The following C1orf202 variants were observed in gnomAD, a reference collection of about 807,000 sequenced individuals.
C1orf202 encodes the protein chromosome 1 open reading frame 202, also known as uncharacterized protein C1orf202.
the C1orf202 span, chr1:244,730,571 G>A: frequency 2.7e-6 from 1 of 375,972 alleles, no homozygotes; most frequent in Non-Finnish European, 4.7e-6. Context: ...CACCAGCAGC[G>A]GGATCTCCTC....
the C1orf202 span, chr1:244,730,842 C>T: frequency 2.6e-6 from 1 of 380,526 alleles, no homozygotes. Flanking sequence ...GGAGGGGGGC[C>T]CCGCTCCAGG....
At chr1:244,730,706 G>A in the C1orf202 span, 1 of 384,346 alleles carries the variant, frequency 2.6e-6, no homozygotes, top group Admixed American at 4.5e-5. Flanking sequence ...GCCTGCGCGC[G>A]CGTGAGCTTG....
chr1:244,730,845 G>A, the C1orf202 span: 2 of 380,556 alleles, frequency 5.3e-6, no homozygotes, highest in Non-Finnish European at 9.3e-6. Flanking sequence ...GGGGGGCCCC[G>A]CTCCAGGCGC....
At chr1:244,730,235 G>T in the C1orf202 span, 1 of 225,730 alleles carries the variant, frequency 4.4e-6, no homozygotes, top group Admixed American at 5.7e-5. Context: ...CTGCTCCGAG[G>T]CCCTCGGACC....
the C1orf202 span, chr1:244,730,341 G>A: frequency 3.1e-5 from 9 of 289,782 alleles, no homozygotes; most frequent in East Asian, 1.2e-4. Flanking sequence ...CATTGCATGT[G>A]CTTTCATTCC....
chr1:244,730,937 C>T, the C1orf202 span: 2 of 383,388 alleles, frequency 5.2e-6, no homozygotes, highest in Non-Finnish European at 9.3e-6. Context: ...CCGCGCAGGC[C>T]TCTTCTCGGA....
At chr1:244,730,600 C>A in the C1orf202 span, 1 of 383,214 alleles carries the variant, frequency 2.6e-6, no homozygotes, top group Non-Finnish European at 4.6e-6. Flanking sequence ...CCGGCCGCTC[C>A]TTGCGCCGCA....
the C1orf202 span, chr1:244,730,955 GC>G: frequency 2.6e-6 from 1 of 379,506 alleles, no homozygotes; most frequent in East Asian, 3.7e-5. Context: ...GGAGCGCGGG[GC>G]CCACATCTCG....
chr1:244,729,709 G>GC, the C1orf202 span, among the ~76,000 whole-genome samples: 1 of 152,076 alleles, frequency 6.6e-6, no homozygotes, highest in Admixed American at 6.6e-5. Flanking sequence ...AGTATCATTA[G>GC]CAGGTTTTTA....
chr1:244,730,812 C>T, the C1orf202 span: 1 of 378,106 alleles, frequency 2.6e-6, no homozygotes, highest in South Asian at 1.3e-4. Context: ...CGCCGCCCGA[C>T]CGCCTCCGGA....
the C1orf202 span, chr1:244,730,755 G>T: frequency 7.3e-5 from 28 of 381,630 alleles, no homozygotes; most frequent in Admixed American, 1.1e-3. Flanking sequence ...AACAGCCGCC[G>T]CCAGCACCAG....
chr1:244,730,418 T>C, the C1orf202 span: 5 of 357,386 alleles, frequency 1.4e-5, no homozygotes, highest in Non-Finnish European at 2.5e-5. Flanking sequence ...ATCCTGAGCG[T>C]GCACAGGGGG....
chr1:244,730,485 C>T, the C1orf202 span: 29 of 344,602 alleles, frequency 8.4e-5, no homozygotes, highest in African/African-American at 1.1e-4. Context: ...CGCGCGGGGG[C>T]GGCCTGCGCG....
chr1:244,730,476 G>A, the C1orf202 span: 195 of 344,832 alleles, frequency 5.7e-4, no homozygotes, highest in Middle Eastern at 4.7e-3. Context: ...CGGGGCTGGC[G>A]CGCGGGGGCG....
the C1orf202 span, chr1:244,730,294 T>C: frequency 4.2e-6 from 1 of 236,930 alleles, no homozygotes. Flanking sequence ...GCTGCGAACC[T>C]CAAGATAACC....
the C1orf202 span, chr1:244,730,012 G>A: frequency 6.6e-6 from 1 of 150,856 alleles, no homozygotes; most frequent in African/African-American, 2.4e-5. Flanking sequence ...TTGACCCCAG[G>A]AGTTTGAGTC....
At chr1:244,730,197 G>C in the C1orf202 span, 1 of 220,602 alleles carries the variant, frequency 4.5e-6, no homozygotes, top group African/African-American at 2.3e-5. Flanking sequence ...GGAACCCAGG[G>C]CTCCGCGGCA....
chr1:244,729,789 TAA>T, the C1orf202 span: 1 of 152,230 alleles, frequency 6.6e-6, no homozygotes, highest in Non-Finnish European at 1.5e-5. Flanking sequence ...TTTGTTCTTC[TAA>T]GTCTAGCCCT....
chr1:244,730,835 G>A, the C1orf202 span: 1 of 379,266 alleles, frequency 2.6e-6, no homozygotes, highest in South Asian at 1.3e-4. Context: ...CCCGCGCGGA[G>A]GGGGGCCCCG....
Sources: gnomAD v4.1 joint callset for allele counts (sites outside exome capture counted in the v4.1 genomes callset) on GRCh38, gnomAD v4.1.1 for gene constraint, MANE v1.5 for transcripts, NCBI Gene and HGNC (gene_info 2026-07-23, HGNC 2026-07-21) for gene names.